HSF2BP: variants seen among roughly 807,000 people sequenced by gnomAD.
HSF2BP encodes heat shock transcription factor 2 binding protein.
HSF2BP carries 35 observed loss-of-function variants against 35.0 expected under a neutral mutation model. The observed-to-expected ratio is 1.00, with a 90% confidence interval of 0.76 to 1.32. The LOEUF (loss-of-function observed/expected upper bound fraction) is 1.32. Ranked by LOEUF, HSF2BP falls within the 40% of genes most tolerant of loss-of-function variation. The pLI, the probability that HSF2BP is intolerant of heterozygous loss-of-function variation, is 0.00. For synonymous variants in HSF2BP, 114 were observed against 117.4 expected (o/e 0.97, Z 0.18); for missense variants, 326 against 321.7 (o/e 1.01, Z -0.10).
At chr21:43,575,061 TC>T (rs2081625621) in intron 8 of HSF2BP, among the ~76,000 whole-genome samples, 2 of 152,210 alleles carry the variant, frequency 1.3e-5, no homozygotes, top group Non-Finnish European at 2.9e-5. Flanking sequence ...CTCACGCAGC[TC>T]CTGCTGTGCT....
intron 8 of HSF2BP, among the ~76,000 whole-genome samples, chr21:43,584,658 C>A (rs1237176088): frequency 6.6e-6 from 1 of 152,228 alleles, no homozygotes; most frequent in Admixed American, 6.5e-5. Flanking sequence ...AGCTTCAAAC[C>A]TGCATGAAAA....
intron 2 of HSF2BP, 115 bp from the exon 3 acceptor site, chr21:43,656,852 G>T: frequency 1.3e-6 from 1 of 798,244 alleles, no homozygotes; most frequent in Non-Finnish European, 2.1e-6. Flanking sequence ...TTCAAATCAT[G>T]TCTCTACCTA....
chr21:43,655,840 C>T (rs970883705), intron 3 of HSF2BP, among the ~76,000 whole-genome samples: 20 of 152,190 alleles, frequency 1.3e-4, no homozygotes, highest in Non-Finnish European at 1.9e-4. Context: ...TGACCAGATA[C>T]GTTTGCACAT....
At chr21:43,623,483 TAAA>T (rs1394707963) in intron 6 of HSF2BP, among the ~76,000 whole-genome samples, 6 of 152,018 alleles carry the variant, frequency 3.9e-5, no homozygotes, top group African/African-American at 7.2e-5. Context: ...AAATTAAAAC[TAAA>T]AAATGCAGAA....
chr21:43,576,958 CT>C (rs2081651760), intron 8 of HSF2BP, among the ~76,000 whole-genome samples: 1 of 152,184 alleles, frequency 6.6e-6, no homozygotes, highest in African/African-American at 2.4e-5. Context: ...CAACCTAAGC[CT>C]ATCACCAGTG....
chr21:43,634,446 A>G (rs2082525184), intron 4 of HSF2BP, among the ~76,000 whole-genome samples: 1 of 152,248 alleles, frequency 6.6e-6, no homozygotes, highest in Non-Finnish European at 1.5e-5. Flanking sequence ...AAATTCATTT[A>G]TACCAAATGT....
rs2082106449 is a variant in HSF2BP at position 43,604,737 on chromosome 21, ACAC to A, written c.692+9090_692+9092del. 2.8e-5 allele frequency among the ~76,000 whole-genome samples: 4 copies of A among 144,174 alleles called. No individual in the cohort carries two copies. The Admixed American group carries it at 2.8e-4, about 10-fold the overall frequency. 94.6% of individuals were successfully genotyped at this position (144,174 alleles called of 152,430 possible). A position where few individuals can be genotyped will look rare whatever the true frequency, so the allele number is the denominator to read the frequency against. The stretch of plus-strand genomic sequence containing the variant: ...ATCTCAGACACCACATACACCACAC[ACAC>A]ACCACTCACACACCATACGCACACC... On this transcript the variant is annotated intron_variant, in intron 7 of 8. Transcript: ENST00000291560.
At chr21:43,467,685 ACAC>A in the HSF2BP span, among the ~76,000 whole-genome samples, 11 of 62,272 alleles carry the variant, frequency 1.8e-4, no homozygotes, top group Non-Finnish European at 3.3e-4. Context: ...CAATCCACAC[ACAC>A]CACACCACAA....
intron 8 of HSF2BP, among the ~76,000 whole-genome samples, chr21:43,588,761 C>T (rs1461065945): frequency 6.6e-6 from 1 of 152,142 alleles, no homozygotes; most frequent in Non-Finnish European, 1.5e-5. Context: ...GCTCACGGCC[C>T]GTAACAACCA....
chr21:43,591,083 T>G (rs191045382), intron 8 of HSF2BP, among the ~76,000 whole-genome samples: 39 of 152,278 alleles, frequency 2.6e-4, no homozygotes, highest in Admixed American at 2.4e-3. Context: ...AGAGGTTAAT[T>G]TGAATCATAA....
At chr21:43,595,197 G>T (rs2081969911) in intron 7 of HSF2BP, among the ~76,000 whole-genome samples, 1 of 152,194 alleles carries the variant, frequency 6.6e-6, no homozygotes, top group African/African-American at 2.4e-5. Flanking sequence ...AGGAGGCAGA[G>T]GTTATAGTGA....
intron 8 of HSF2BP, among the ~76,000 whole-genome samples, chr21:43,576,564 A>G (rs990979145): frequency 5.3e-5 from 8 of 152,236 alleles, no homozygotes; most frequent in Admixed American, 6.5e-5. Context: ...ACACAACACT[A>G]TATAGAAGGC....
intron 8 of HSF2BP, among the ~76,000 whole-genome samples, chr21:43,575,091 T>C (rs2081625983): frequency 6.6e-6 from 1 of 152,236 alleles, no homozygotes; most frequent in Admixed American, 6.5e-5. Flanking sequence ...AGCTCCTTCA[T>C]GTCTTATTCC....
At chr21:43,626,472 T>C (rs1219504149) in intron 6 of HSF2BP, among the ~76,000 whole-genome samples, 1 of 152,208 alleles carries the variant, frequency 6.6e-6, no homozygotes, top group Non-Finnish European at 1.5e-5. Flanking sequence ...AATTCTGCAT[T>C]TTTCTTTCCT....
At chr21:43,653,343 A>C (rs1947189674) in intron 3 of HSF2BP, among the ~76,000 whole-genome samples, 1 of 152,150 alleles carries the variant, frequency 6.6e-6, no homozygotes, top group East Asian at 1.9e-4. Flanking sequence ...AAGACCGAAT[A>C]ATCAGCCAGG....
chr21:43,646,591 C>T (rs945000694), intron 3 of HSF2BP, among the ~76,000 whole-genome samples: 1 of 152,136 alleles, frequency 6.6e-6, no homozygotes, highest in African/African-American at 2.4e-5. Flanking sequence ...TGTGTAAAAA[C>T]CTGTGGGAAT....
intron 2 of HSF2BP, chr21:43,657,717 G>A (rs1047886293): frequency 4.1e-5 from 21 of 506,552 alleles, no homozygotes; most frequent in Non-Finnish European, 5.1e-5. Flanking sequence ...GCTAAGTCCC[G>A]AAGCAGGGGG....
chr21:43,578,024 C>T (rs989193937), intron 8 of HSF2BP, among the ~76,000 whole-genome samples: 2 of 152,194 alleles, frequency 1.3e-5, no homozygotes, highest in Non-Finnish European at 1.5e-5. Context: ...ATCCCACCAC[C>T]CTTTGCTGAC....
At position 43,592,245 on chromosome 21, in the gene HSF2BP, A is replaced by G. The variant is rs777360892; in HGVS notation, c.776T>C (p.Leu259Ser). ...CTTACCACTCAAAAGCCACCACAGC[A>G]AAGGGATGAATCCTGGACTCTCGCT... ...YISESPGFIP[L>S]LWWLLSDPDA... Residue 259 changes from leucine to serine, a missense_variant, in exon 8 of 9, where the codon TTG becomes TCG. Coordinates refer to ENST00000291560, the MANE Select transcript of HSF2BP (RefSeq NM_007031.2). 4 of 1,613,440 alleles carry G rather than the reference A, an allele frequency of 2.5e-6. No individual in the cohort carries two copies. Among genetic ancestry groups the G allele is most frequent in the Non-Finnish European group, 8.5e-7 (1 of 1,179,494 alleles).
Sources: allele counts gnomAD v4.1 joint callset (sites outside exome capture counted in the v4.1 genomes callset), GRCh38; gene constraint gnomAD v4.1.1; transcripts MANE v1.5; gene names NCBI Gene and HGNC (gene_info 2026-07-23, HGNC 2026-07-21).